Variants in DDX59 observed in about 807,000 individuals in gnomAD.
DDX59 encodes the protein DEAD-box helicase 59.
In DDX59, 30 loss-of-function variants were observed where a neutral mutation model predicts 51.9. The observed-to-expected ratio is 0.58, with a 90% CI of 0.43 to 0.78. The LOEUF (loss-of-function observed/expected upper bound fraction) is 0.78, where lower values mean the gene tolerates loss of function less well. Ranked by LOEUF, DDX59 falls within the 30% of genes least tolerant of loss-of-function variation. The pLI, the probability that DDX59 is intolerant of heterozygous loss-of-function variation, is 0.00. For synonymous variants in DDX59, 255 were observed against 253.3 expected (o/e 1.01, Z -0.06); for missense variants, 672 against 730.8 (o/e 0.92, Z 0.93).
chr1:200,660,705 TAATA>T (rs1662321353), intron 3 of DDX59, among the ~76,000 whole-genome samples: 1 of 152,228 alleles, frequency 6.6e-6, no homozygotes, highest in African/African-American at 2.4e-5. Context: ...TCATGGTTTC[TAATA>T]AATATAGATA....
At chr1:200,654,294 T>A (rs980324127) in intron 4 of DDX59, 4 of 151,944 alleles carry the variant, frequency 2.6e-5, no homozygotes, top group African/African-American at 9.7e-5. Flanking sequence ...GCGCCTGTAG[T>A]CCCAGCTACT....
intron 2 of DDX59, among the ~76,000 whole-genome samples, chr1:200,664,801 G>A (rs541426580): frequency 5.3e-5 from 8 of 151,960 alleles, no homozygotes; most frequent in African/African-American, 1.4e-4. Flanking sequence ...TCAGCCTCCC[G>A]AGTAGCTGGG....
rs369878607 is a variant in DDX59 at position 200,660,134 on chromosome 1, T to G, written c.973-1018A>C. Among the ~76,000 whole-genome samples, 6 of 152,350 alleles carry G rather than the reference T, an allele frequency of 3.9e-5. No homozygotes were observed. The East Asian group carries it at 5.8e-4, about 15-fold the overall frequency. ...ATTATGATTACTGTTTCATTCAATG[T>G]TTCCTGAGATTTACCCACATGCTTA... is the stretch of plus-strand genomic sequence containing the variant. On this transcript the variant is annotated intron_variant, in intron 3 of 7. Transcript: ENST00000331314.
chr1:200,654,816 T>C (rs1245297066), intron 4 of DDX59: 2 of 152,286 alleles, frequency 1.3e-5, no homozygotes, highest in Non-Finnish European at 2.9e-5. Flanking sequence ...CTCTGACTAT[T>C]TGCATCTTCA....
At chr1:200,653,206 C>T (rs72745093) in intron 4 of DDX59, among the ~76,000 whole-genome samples, 3,844 of 152,304 alleles carry the variant, frequency 0.025, 71 homozygotes, top group Middle Eastern at 0.037. Context: ...ACTGCTTCCC[C>T]GAACTCAAGT....
chr1:200,651,615 A>G (rs1229285364), intron 4 of DDX59, among the ~76,000 whole-genome samples: 2 of 152,230 alleles, frequency 1.3e-5, no homozygotes, highest in Non-Finnish European at 2.9e-5. Flanking sequence ...TTGTTATAGC[A>G]CCAGGAGTGG....
intron 6 of DDX59, 119 bp from the exon 7 acceptor site, chr1:200,648,686 A>C: frequency 8.0e-7 from 1 of 1,248,972 alleles, no homozygotes; most frequent in Non-Finnish European, 1.1e-6. Context: ...ATATTTTTTC[A>C]ATAAGTAAAG....
chr1:200,666,765 T>C lies in DDX59; in HGVS notation c.-11-14A>G, dbSNP rs372633659. ...TCCTTCAATATTCTGTTAAGGAAATTATATAATGAGATTTATTGTACCATT... is the reference window on the plus strand; with the variant it reads ...TCCTTCAATATTCTGTTAAGGAAATCATATAATGAGATTTATTGTACCATT... On this transcript the variant is annotated splice_polypyrimidine_tract_variant and intron_variant, in intron 1 of 7. Coordinates refer to ENST00000331314, the MANE Select transcript of DDX59 (RefSeq NM_001031725.6). 1.4e-4 allele frequency: 220 copies of C among 1,583,124 alleles called. No homozygotes were observed. The highest frequency in any genetic ancestry group is 1.2e-3 in the African/African-American group (91 of 73,796).
Position 200,666,237 on chromosome 1 carries a change from G to A in DDX59, c.504C>T (p.Tyr168=). Reference sequence around the variant, plus strand: ...GGTTCAAAATAAAGGGGTGCTCTTTGTAGACATAGGAAGCATTCAGTGGAG... The same window carrying A: ...GGTTCAAAATAAAGGGGTGCTCTTTATAGACATAGGAAGCATTCAGTGGAG... The part of the protein sequence containing the change: ...PESPLNASYV[Y]KEHPFILNLQ... Residue 168 remains tyrosine (Y), a synonymous_variant, in exon 2 of 8, where the codon TAC becomes TAT. Coordinates refer to ENST00000331314, the MANE Select transcript of DDX59 (RefSeq NM_001031725.6). The A allele has an allele frequency of 6.2e-7, 1 of 1,614,244 alleles. No individual in the cohort carries two copies. The highest frequency in any genetic ancestry group is 8.5e-7 in the Non-Finnish European group (1 of 1,180,036).
chr1:200,663,249 C>T (rs925609268), intron 3 of DDX59, among the ~76,000 whole-genome samples: 11 of 152,274 alleles, frequency 7.2e-5, no homozygotes, highest in African/African-American at 2.2e-4. Flanking sequence ...CAAGGGGCCC[C>T]GAGGACCCAG....
chr1:200,660,007 G>T (rs10919994), intron 3 of DDX59, among the ~76,000 whole-genome samples: 118,545 of 152,102 alleles, frequency 0.78, 47,181 homozygotes, highest in Non-Finnish European at 0.88. Context: ...TTTTAAACAA[G>T]AAGGAAAAAT....
intron 3 of DDX59, among the ~76,000 whole-genome samples, chr1:200,662,386 A>T (rs951650925): frequency 1.3e-5 from 2 of 152,272 alleles, no homozygotes; most frequent in East Asian, 3.9e-4. Flanking sequence ...TAAGTTTGAG[A>T]TTGTTTTTTT....
intron 1 of DDX59, among the ~76,000 whole-genome samples, chr1:200,667,951 G>A (rs924918264): frequency 6.6e-6 from 1 of 152,126 alleles, no homozygotes; most frequent in African/African-American, 2.4e-5. Context: ...AAAAACGTGT[G>A]TGTGTGTATA....
intron 4 of DDX59, chr1:200,655,200 T>C (rs549034271): frequency 2.0e-5 from 3 of 152,320 alleles, no homozygotes; most frequent in African/African-American, 7.2e-5. Flanking sequence ...CCAGATTTGC[T>C]CATTTGTCCT....
rs1333018111 is a variant in DDX59 at position 200,650,556 on chromosome 1, C to T, written c.1183G>A (p.Ala395Thr). Residue 395 changes from alanine to threonine, a missense_variant, in exon 5 of 8, where the codon GCA (alanine) becomes ACA (threonine). Transcript: ENST00000331314. ...ATIPTSIEQL[A>T]SQLLHNPVRI... ...ACAGGATTATGCAGAAGCTGGCTTG[C>T]TAGCTGTTCTATGCTAGTTGGAATT... is the stretch of plus-strand genomic sequence containing the variant. The T allele has an allele frequency of 4.3e-6, 7 of 1,613,958 alleles. No individual in the cohort carries two copies. The highest frequency in any genetic ancestry group is 4.2e-6 in the Non-Finnish European group (5 of 1,180,010).
intron 4 of DDX59, among the ~76,000 whole-genome samples, chr1:200,656,544 GTATA>G (rs1371509729): frequency 6.6e-6 from 1 of 152,156 alleles, no homozygotes; most frequent in Non-Finnish European, 1.5e-5. Context: ...TGCAGTTTCA[GTATA>G]TAACTGATTA....
downstream of DDX59, among the ~76,000 whole-genome samples, chr1:200,643,556 T>C (rs144984814): frequency 3.0e-3 from 450 of 152,128 alleles, 2 homozygotes; most frequent in African/African-American, 0.01. Flanking sequence ...GGAAAGGGAA[T>C]GGCATGAACC....
chr1:200,664,398 C>T (rs995362414), intron 2 of DDX59, among the ~76,000 whole-genome samples: 6 of 152,158 alleles, frequency 3.9e-5, no homozygotes, highest in Non-Finnish European at 8.8e-5. Flanking sequence ...AGTCATCCTC[C>T]CCTGAAGAGA....
At chr1:200,660,958 T>C (rs1419703181) in intron 3 of DDX59, among the ~76,000 whole-genome samples, 1 of 152,218 alleles carries the variant, frequency 6.6e-6, no homozygotes, top group Non-Finnish European at 1.5e-5. Flanking sequence ...CACTGGGAAG[T>C]CCTAGAAGCA....
Sources: gnomAD v4.1 joint callset for allele counts (sites outside exome capture counted in the v4.1 genomes callset) on GRCh38, gnomAD v4.1.1 for gene constraint, MANE v1.5 for transcripts, NCBI Gene and HGNC (gene_info 2026-07-23, HGNC 2026-07-21) for gene names.